CADPS2: variants seen among roughly 807,000 people sequenced by gnomAD.
CADPS2 encodes the protein calcium-dependent secretion activator 2.
Under a neutral mutation model 172.5 loss-of-function variants are expected in CADPS2, and 93 were observed. That is an observed-to-expected ratio of 0.54 (90% confidence interval 0.46 to 0.64). The LOEUF is 0.64. Among genes scored for constraint, CADPS2 ranks in the 30% least tolerant of loss-of-function variants. The pLI, the probability that CADPS2 is intolerant of heterozygous loss-of-function variation, is 0.00. For synonymous variants in CADPS2, 546 were observed against 555.2 expected, an observed-to-expected ratio of 0.98 and a Z score of 0.23; for missense variants, 1,420 against 1,565.9, an observed-to-expected ratio of 0.91 and a Z score of 1.57.
intron 1 of CADPS2, among the ~76,000 whole-genome samples, chr7:122,839,579 A>G (rs941694817): frequency 6.6e-6 from 1 of 152,242 alleles, no homozygotes; most frequent in African/African-American, 2.4e-5. Context: ...AAACAAATTT[A>G]CAGGAAAAAA....
chr7:122,662,246 C>T (rs2080653218), intron 3 of CADPS2, among the ~76,000 whole-genome samples: 1 of 151,950 alleles, frequency 6.6e-6, no homozygotes, highest in Non-Finnish European at 1.5e-5. Context: ...TATATTAGGG[C>T]ATAGTTAAAT....
At chr7:122,706,844 A>AT (rs375416961) in intron 2 of CADPS2, among the ~76,000 whole-genome samples, 30 of 146,046 alleles carry the variant, frequency 2.1e-4, no homozygotes, top group African/African-American at 3.2e-4. Context: ...ACACACACAC[A>AT]TTTTTTTTTT....
chr7:122,865,276 T>G (rs191012601), intron 1 of CADPS2, among the ~76,000 whole-genome samples: 65 of 152,274 alleles, frequency 4.3e-4, no homozygotes, highest in African/African-American at 1.5e-3. Flanking sequence ...GCACCATGCT[T>G]CTTGTATGGT....
intron 12 of CADPS2, chr7:122,480,278 C>G (rs1242961706): frequency 7.9e-6 from 2 of 251,838 alleles, no homozygotes; most frequent in East Asian, 2.5e-4. Context: ...GGTTGTCTTC[C>G]AGTAAGTTAG....
chr7:122,399,693 T>TTTTTTTTTTTTG, intron 20 of CADPS2, among the ~76,000 whole-genome samples: 1 of 97,314 alleles, frequency 1.0e-5, no homozygotes, highest in Non-Finnish European at 2.0e-5. Context: ...TTTTTTTTTT[T>TTTTTTTTTTTTG]TTTTTTTTTT....
At chr7:122,801,407 C>A (rs920064502) in intron 1 of CADPS2, among the ~76,000 whole-genome samples, 5 of 152,158 alleles carry the variant, frequency 3.3e-5, no homozygotes, top group Admixed American at 2.0e-4. Context: ...GTGATCATAT[C>A]AGTAAGTGCT....
At chr7:122,321,735 C>T (rs1400549678) in intron 29 of CADPS2, among the ~76,000 whole-genome samples, 1 of 152,222 alleles carries the variant, frequency 6.6e-6, no homozygotes, top group Non-Finnish European at 1.5e-5. Flanking sequence ...CCACCCCAGC[C>T]TCCCAAAGTG....
chr7:122,490,137 A>G lies in CADPS2; in HGVS notation c.1796T>C (p.Ile599Thr), dbSNP rs1183374644. ...TTTAGGATTCAGTTTCTGGGTTTGA[A>G]TTGCAGGAACTGGTTTATATGATTG... is the stretch of plus-strand genomic sequence containing the variant. The part of the protein sequence containing the change: ...TGQSYKPVPA[I>T]QTQKLNPKGG... The change falls in exon 11 of 30, where the codon ATT (isoleucine) becomes ACT (threonine). Residue 599 changes from isoleucine to threonine, a missense_variant. Physicochemically the swap from Ile to Thr is moderately conservative, Grantham distance 89. Coordinates refer to ENST00000449022, the MANE Select transcript of CADPS2 (RefSeq NM_017954.11). 6.2e-7 allele frequency: 1 copy of G among 1,613,520 alleles called. No individual in the cohort carries two copies. Among genetic ancestry groups the G allele is most frequent in the South Asian group, 1.1e-5 (1 of 91,076 alleles).
intron 8 of CADPS2, among the ~76,000 whole-genome samples, chr7:122,536,287 A>G (rs952047015): frequency 2.0e-5 from 3 of 152,152 alleles, no homozygotes; most frequent in African/African-American, 7.2e-5. Context: ...TGTGTTAGGA[A>G]TTAAAATGAG....
chr7:122,383,131 C>A (rs1235483108), intron 24 of CADPS2, among the ~76,000 whole-genome samples: 2 of 152,080 alleles, frequency 1.3e-5, no homozygotes, highest in Non-Finnish European at 2.9e-5. Flanking sequence ...TACATATACA[C>A]CATGGAATAC....
At chr7:122,574,718 G>A (rs1181650589) in intron 7 of CADPS2, among the ~76,000 whole-genome samples, 1 of 151,750 alleles carries the variant, frequency 6.6e-6, no homozygotes, top group Non-Finnish European at 1.5e-5. Context: ...ACACACATAC[G>A]CAAATGCATA....
intron 1 of CADPS2, among the ~76,000 whole-genome samples, chr7:122,853,744 C>T (rs753935470): frequency 4.5e-4 from 68 of 152,146 alleles, no homozygotes; most frequent in Non-Finnish European, 8.8e-4. Context: ...CATATCAAAT[C>T]CTTCCCAGGG....
At chr7:122,744,124 G>A (rs193189761) in intron 1 of CADPS2, among the ~76,000 whole-genome samples, 1 of 152,190 alleles carries the variant, frequency 6.6e-6, no homozygotes, top group African/African-American at 2.4e-5. Flanking sequence ...CTGACTTCCA[G>A]GAAACTGTAA....
At chr7:122,610,683 T>C (rs1198438249) in intron 6 of CADPS2, among the ~76,000 whole-genome samples, 2 of 152,122 alleles carry the variant, frequency 1.3e-5, no homozygotes, top group African/African-American at 4.8e-5. Flanking sequence ...TAGATGAATT[T>C]TATTTTATAC....
chr7:122,649,898 A>ATTTTTTTTTTT (rs71531909), intron 3 of CADPS2, among the ~76,000 whole-genome samples: 1,603 of 52,012 alleles, frequency 0.031, 396 homozygotes, highest in East Asian at 0.079. Context: ...GTATTCAATG[A>ATTTTTTTTTTT]TTTTTTTTTT....
chr7:122,573,358 T>C (rs7782215), intron 7 of CADPS2, among the ~76,000 whole-genome samples: 23,526 of 151,856 alleles, frequency 0.15, 2,346 homozygotes, highest in African/African-American at 0.28. Context: ...CCTCGAAACA[T>C]TGTGAGACTC....
At chr7:122,598,221 T>C (rs1372445412) in intron 6 of CADPS2, among the ~76,000 whole-genome samples, 3 of 152,048 alleles carry the variant, frequency 2.0e-5, no homozygotes, top group African/African-American at 7.2e-5. Context: ...AGAAATATTC[T>C]ACCTTTGCTA....
chr7:122,521,514 A>C (rs1226621416), intron 8 of CADPS2, among the ~76,000 whole-genome samples: 1 of 151,980 alleles, frequency 6.6e-6, no homozygotes, highest in African/African-American at 2.4e-5. Flanking sequence ...TAAGGATGAA[A>C]AAAGAAACTG....
At chr7:122,654,874 CAT>C (rs1216472237) in intron 3 of CADPS2, among the ~76,000 whole-genome samples, 1 of 152,158 alleles carries the variant, frequency 6.6e-6, no homozygotes, top group African/African-American at 2.4e-5. Flanking sequence ...TTCTAGATGC[CAT>C]TAACACACTT....
Sources: gnomAD v4.1 joint callset for allele counts (sites outside exome capture counted in the v4.1 genomes callset) on GRCh38, gnomAD v4.1.1 for gene constraint, MANE v1.5 for transcripts, NCBI Gene and HGNC (gene_info 2026-07-23, HGNC 2026-07-21) for gene names.